Variants in CPXM2 observed in about 807,000 individuals in gnomAD.
CPXM2 encodes the protein inactive carboxypeptidase-like protein X2.
A neutral mutation model predicts 86.1 loss-of-function variants in CPXM2; 66 were observed. The ratio of observed to expected loss-of-function variants is 0.77; its 90% CI spans 0.63 to 0.94. The LOEUF (loss-of-function observed/expected upper bound fraction) is 0.94. CPXM2 is among the 40% of genes least tolerant of loss of function. The probability of loss-of-function intolerance (pLI) is 0.00; values close to 1 mark genes in which losing one functional copy is unlikely to be tolerated. For missense variants in CPXM2, 948 were observed against 1,026.3 expected (o/e 0.92, Z 1.04); for synonymous variants, 388 against 400.2 (o/e 0.97, Z 0.36).
chr10:123,940,720 T>G (rs1227375566), upstream of CPXM2, among the ~76,000 whole-genome samples: 1 of 152,196 alleles, frequency 6.6e-6, no homozygotes, highest in Non-Finnish European at 1.5e-5. Flanking sequence ...CACTTGCCTT[T>G]CTGGGACCAT....
At chr10:123,903,925 G>A (rs566271315) in intron 2 of CPXM2, among the ~76,000 whole-genome samples, 1 of 152,274 alleles carries the variant, frequency 6.6e-6, no homozygotes, top group Non-Finnish European at 1.5e-5. Flanking sequence ...GGTTTGCCTG[G>A]CCAAGACATG....
chr10:123,869,998 G>A lies in CPXM2; in HGVS notation c.404-7275C>T, dbSNP rs976463743. On this transcript the variant is annotated intron_variant, in intron 2 of 13. Transcript: ENST00000241305. The stretch of plus-strand genomic sequence containing the variant: ...AAATCTGTCCAGGGGGTGGGGGGCC[G>A]TTATGAGTCGTGTCATGAAAATTAT... Among the ~76,000 whole-genome samples the A allele has an allele frequency of 5.3e-5, 8 of 152,236 alleles. No individual in the cohort carries two copies. The South Asian group carries it at 6.2e-4, about 12-fold the overall frequency.
At chr10:123,923,424 CA>C (rs10706938) in intron 2 of CPXM2, among the ~76,000 whole-genome samples, 119,973 of 141,156 alleles carry the variant, frequency 0.85, 51,088 homozygotes, top group African/African-American at 0.94. Context: ...ACTAAAAATA[CA>C]AAAAAATTAG....
At chr10:123,929,703 A>G (rs1211842656) in intron 2 of CPXM2, among the ~76,000 whole-genome samples, 1 of 140,658 alleles carries the variant, frequency 7.1e-6, no homozygotes, top group Non-Finnish European at 1.5e-5. Flanking sequence ...GCCTTATTTT[A>G]AAATGGCTAC....
chr10:123,931,823 C>G (rs1945668968), intron 2 of CPXM2, among the ~76,000 whole-genome samples: 1 of 152,130 alleles, frequency 6.6e-6, no homozygotes, highest in Admixed American at 6.5e-5. Flanking sequence ...AGGTGTTTAT[C>G]ATAATATTGT....
intron 2 of CPXM2, among the ~76,000 whole-genome samples, chr10:123,930,673 C>A (rs1211438692): frequency 6.6e-6 from 1 of 152,214 alleles, no homozygotes; most frequent in Non-Finnish European, 1.5e-5. Flanking sequence ...AATTGCATAA[C>A]ACTCCTGAGA....
At chr10:123,896,723 A>G (rs1945340934), upstream of CPXM2, among the ~76,000 whole-genome samples, 3 of 152,286 alleles carry the variant, frequency 2.0e-5, no homozygotes. Context: ...AAAAGCTCCT[A>G]AGAAACCACA....
chr10:123,881,928 A>C (rs1945099826), intron 1 of CPXM2, among the ~76,000 whole-genome samples: 1 of 152,240 alleles, frequency 6.6e-6, no homozygotes, highest in Admixed American at 6.5e-5. Context: ...TGCACGAATG[A>C]ACAAATGAAC....
At chr10:123,900,451 C>T (rs1437188052) in intron 2 of CPXM2, among the ~76,000 whole-genome samples, 2 of 152,188 alleles carry the variant, frequency 1.3e-5, no homozygotes, top group African/African-American at 2.4e-5. Flanking sequence ...AAAAGGCTAA[C>T]TACATATAAA....
At chr10:123,905,298 G>C (rs1945428607) in intron 2 of CPXM2, among the ~76,000 whole-genome samples, 3 of 152,206 alleles carry the variant, frequency 2.0e-5, no homozygotes. Context: ...CAGCTTGACT[G>C]CCCTGCTTGG....
intron 10 of CPXM2, among the ~76,000 whole-genome samples, chr10:123,763,646 A>C (rs1268438578): frequency 1.3e-5 from 2 of 151,776 alleles, no homozygotes; most frequent in East Asian, 3.9e-4. Context: ...TCCCAGATTC[A>C]TCCTATTGTT....
intron 8 of CPXM2, 134 bp downstream of exon 8, chr10:123,770,782 C>T (rs1846608664): frequency 1.1e-6 from 1 of 916,918 alleles, no homozygotes; most frequent in Non-Finnish European, 1.6e-6. Context: ...CAAAATCTGT[C>T]TACGTGAGAC....
At chr10:123,811,154 T>A (rs1395444207) in intron 4 of CPXM2, among the ~76,000 whole-genome samples, 2 of 152,008 alleles carry the variant, frequency 1.3e-5, no homozygotes, top group East Asian at 3.9e-4. Context: ...TTTTTTCTTT[T>A]TTTTTTTATT....
At chr10:123,846,062 T>G (rs932627341) in intron 3 of CPXM2, among the ~76,000 whole-genome samples, 1 of 152,196 alleles carries the variant, frequency 6.6e-6, no homozygotes, top group Non-Finnish European at 1.5e-5. Flanking sequence ...ACCATTTCCA[T>G]GAAGCTACTG....
intron 4 of CPXM2, among the ~76,000 whole-genome samples, chr10:123,839,192 G>A (rs1035962740): frequency 3.9e-5 from 6 of 152,100 alleles, no homozygotes; most frequent in Admixed American, 3.9e-4. Context: ...GAGATCGAGA[G>A]TAGTTATCCC....
chr10:123,915,605 C>T (rs1164229799), intron 2 of CPXM2, among the ~76,000 whole-genome samples: 1 of 152,128 alleles, frequency 6.6e-6, no homozygotes. Context: ...TCCATCTCAG[C>T]TATCTGCTGA....
rs765164344 is a variant in CPXM2, at chr10:123,842,340, T to TACACTC, written c.653+3_653+8dup. The TACACTC allele has an allele frequency of 1.2e-6, 2 of 1,614,056 alleles. No individual in the cohort carries two copies. Among genetic ancestry groups the TACACTC allele is most frequent in the Non-Finnish European group, 1.7e-6 (2 of 1,180,048 alleles). On this transcript the variant is annotated intron_variant, in intron 4 of 13. Transcript: ENST00000241305. The stretch of plus-strand genomic sequence containing the variant: ...AGGGTCCAGAAAGCATATGTCCAGG[T>TACACTC]ACACTCACAGCCAGAGGGAGTTCCT...
chr10:123,831,257 C>A (rs746988977), intron 4 of CPXM2, among the ~76,000 whole-genome samples: 2 of 152,164 alleles, frequency 1.3e-5, no homozygotes, highest in Non-Finnish European at 2.9e-5. Context: ...TGAAAGCCCC[C>A]AAAATCTGGA....
chr10:123,766,710 GC>G (rs1846482978), intron 10 of CPXM2, among the ~76,000 whole-genome samples: 1 of 152,212 alleles, frequency 6.6e-6, no homozygotes, highest in African/African-American at 2.4e-5. Flanking sequence ...ACAAACATGT[GC>G]AATTCAGGGG....
Sources: gnomAD v4.1 joint callset for allele counts (sites outside exome capture counted in the v4.1 genomes callset) on GRCh38, gnomAD v4.1.1 for gene constraint, MANE v1.5 for transcripts, NCBI Gene and HGNC (gene_info 2026-07-23, HGNC 2026-07-21) for gene names.